The following GPX4 variants were observed in gnomAD, a reference collection of about 807,000 sequenced individuals.
GPX4 encodes the protein glutathione peroxidase 4.
In GPX4, 28 loss-of-function variants were observed where a neutral mutation model predicts 27.8. The ratio of observed to expected loss-of-function variants is 1.01; its 90% CI spans 0.75 to 1.38. The LOEUF is 1.38. Ranked by LOEUF, GPX4 falls within the 40% of genes most tolerant of loss-of-function variation. The pLI is 0.00. For missense variants in GPX4, 357 were observed against 274.1 expected (o/e 1.30, Z -2.14); for synonymous variants, 163 against 107.8 (o/e 1.51, Z -3.17).
In GPX4 at chr19:1,105,749, A is replaced by G. The variant is rs763975118; in HGVS notation, c.416A>G (p.Asp139Gly). 1 of 1,557,844 alleles carries G rather than the reference A, an allele frequency of 6.4e-7. No homozygotes were observed. Among genetic ancestry groups the G allele is most frequent in the Non-Finnish European group, 8.7e-7 (1 of 1,148,214 alleles). The change falls in exon 4 of 7, where the codon GAC becomes GGC. Residue 139 changes from aspartate (D) to glycine (G), a missense_variant. Physicochemically the swap from Asp to Gly is moderately conservative, Grantham distance 94. Transcript: ENST00000354171. ...MFSKICVNGD[D>G]AHPLWKWMKI... ...AGCAAGATCTGCGTGAACGGGGACG[A>G]CGCCCACCCGCTGTGGAAGTGGATG...
intron 1 of GPX4, 159 bp downstream of exon 1, chr19:1,104,286 G>C (rs748272313): frequency 6.1e-6 from 4 of 654,404 alleles, no homozygotes; most frequent in Non-Finnish European, 9.3e-6. Context: ...GCACGGACGC[G>C]GGTGACCGTA....
At position 1,104,077 on chromosome 19, in the gene GPX4, C is replaced by G. The variant is rs1389595413; in HGVS notation, c.34C>G (p.Pro12Ala). The G allele has an allele frequency of 6.6e-7, 1 of 1,519,444 alleles. No individual in the cohort carries two copies. The highest frequency in any genetic ancestry group is 1.2e-5 in the South Asian group (1 of 82,384). The allele number at this position is 1,519,444 out of a possible 1,614,324, so 94.1% of individuals were successfully genotyped here. Residue 12 changes from proline to alanine, a missense_variant, in exon 1 of 7, where the codon CCG (proline) becomes GCG (alanine). By Grantham distance (27) the Pro-to-Ala change is conservative. Coordinates refer to ENST00000354171, the MANE Select transcript of GPX4 (RefSeq NM_002085.5). ...CGGCCGCCTTTGCCGCCTACTGAAGCCGGCGCTGCTCTGTGGGGCTCTGGC... is the reference window on the plus strand; with the variant it reads ...CGGCCGCCTTTGCCGCCTACTGAAGGCGGCGCTGCTCTGTGGGGCTCTGGC... ...SLGRLCRLLK[P>A]ALLCGALAAP...
In GPX4 at chr19:1,104,000, C is replaced by T; in HGVS notation, c.-44C>T. On this transcript the variant is annotated 5_prime_UTR_variant, in exon 1 of 7. Transcript: ENST00000354171. ...GGAAAGCCGACGCGCGTCCATTGGTCGGCTGGACGAGGGGAGGAGCCGCTG... is the reference window on the plus strand; with the variant it reads ...GGAAAGCCGACGCGCGTCCATTGGTTGGCTGGACGAGGGGAGGAGCCGCTG... 6.7e-7 allele frequency: 1 copy of T among 1,499,540 alleles called. No homozygotes were observed. The highest frequency in any genetic ancestry group is 1.2e-5 in the South Asian group (1 of 81,048). 92.9% of individuals were successfully genotyped at this position (1,499,540 alleles called of 1,614,324 possible).
intron 1 of GPX4, chr19:1,104,598 G>T: frequency 1.0e-6 from 1 of 982,642 alleles, no homozygotes; most frequent in Non-Finnish European, 1.2e-6. Flanking sequence ...GCGCCCCCGG[G>T]CGCCGCCCCG....
chr19:1,106,287 A>G (rs2079654070), intron 5 of GPX4, 21 bp downstream of exon 5: 3 of 1,600,652 alleles, frequency 1.9e-6, no homozygotes, highest in Non-Finnish European at 1.7e-6. Context: ...TGTGGGGGGT[A>G]GGGGACCAGC....
chr19:1,105,324 G>T, intron 2 of GPX4, 42 bp from the exon 3 acceptor site: 1 of 1,612,518 alleles, frequency 6.2e-7, no homozygotes, highest in Non-Finnish European at 8.5e-7. Flanking sequence ...GGCCCTGGGA[G>T]GGGGCCGTGT....
chr19:1,104,595 CG>C lies in GPX4; in HGVS notation c.84+471del, dbSNP rs569964280. ...CTGGAAATCCCGGATCACGCGCCCC[CG>C]GGCGCCGCCCCGCCCCCGCACCTTG... On this transcript the variant is annotated intron_variant, in intron 1 of 6. Coordinates refer to ENST00000354171, the MANE Select transcript of GPX4 (RefSeq NM_002085.5). The C allele has an allele frequency of 4.3e-3, 4,213 of 978,956 alleles. 14 individuals are homozygous for C. The highest frequency in any genetic ancestry group is 4.9e-3 in the Admixed American group (80 of 16,302). 60.6% of individuals were successfully genotyped at this position (978,956 alleles called of 1,614,324 possible). A position where few individuals can be genotyped will look rare whatever the true frequency, so the allele number is the denominator to read the frequency against.
intron 3 of GPX4, 27 bp downstream of exon 3, chr19:1,105,537 C>G: frequency 6.2e-7 from 1 of 1,605,070 alleles, no homozygotes. Flanking sequence ...CCGGGGCCCG[C>G]AGAGGCGGGT....
chr19:1,105,980 T>G (rs1938039106), intron 4 of GPX4, 171 bp downstream of exon 4: 1 of 798,578 alleles, frequency 1.3e-6, no homozygotes. Context: ...CAGGGGGACA[T>G]AGAGGGCTGT....
intron 3 of GPX4, 41 bp from the exon 4 acceptor site, chr19:1,105,617 G>A (rs749509892): frequency 3.7e-6 from 6 of 1,601,146 alleles, no homozygotes; most frequent in Admixed American, 1.7e-5. Context: ...GACTGAGGGG[G>A]TGCCAGCCCC....
rs767217471 is a variant in GPX4, at chr19:1,106,279, T to TG, written c.501+19dup. The TG allele has an allele frequency of 1.9e-6, 3 of 1,540,216 alleles. No homozygotes were observed. Among genetic ancestry groups the TG allele is most frequent in the South Asian group, 1.1e-5 (1 of 88,936 alleles). On this transcript the variant is annotated intron_variant, in intron 5 of 6. Coordinates refer to ENST00000354171, the MANE Select transcript of GPX4 (RefSeq NM_002085.5). ...GAACTTCACCAAGGTAAGGGGGCTGTGGGGGGTAGGGGACCAGCTTCCCCT... is the reference window on the plus strand; with the variant it reads ...GAACTTCACCAAGGTAAGGGGGCTGTGGGGGGGTAGGGGACCAGCTTCCCCT...
In GPX4 at chr19:1,106,380, T is replaced by C; in HGVS notation, c.502-20T>C. On this transcript the variant is annotated intron_variant, in intron 5 of 6. Coordinates refer to ENST00000354171, the MANE Select transcript of GPX4 (RefSeq NM_002085.5). ...CCCTTGCAGGGGTGGCCCCACAGTTTGGACACCGTCTCTCCACAGTTCCTC... is the reference window on the plus strand; with the variant it reads ...CCCTTGCAGGGGTGGCCCCACAGTTCGGACACCGTCTCTCCACAGTTCCTC... The C allele has an allele frequency of 6.8e-6, 11 of 1,613,454 alleles. No homozygotes were observed. Among genetic ancestry groups the C allele is most frequent in the Non-Finnish European group, 9.3e-6 (11 of 1,179,898 alleles).
intron 4 of GPX4, 97 bp from the exon 5 acceptor site, chr19:1,106,145 G>A (rs550007490): frequency 5.3e-5 from 63 of 1,184,858 alleles, no homozygotes; most frequent in Admixed American, 3.4e-4. Context: ...GGAGGCAGCC[G>A]GGGAAGCTCA....
At chr19:1,105,917 C>T (rs1028982849) in intron 4 of GPX4, 108 bp downstream of exon 4, 71 of 1,292,230 alleles carry the variant, frequency 5.5e-5, no homozygotes, top group Non-Finnish European at 3.7e-5. Flanking sequence ...GGGGCGGTTG[C>T]GGGGAGGTGC....
intron 5 of GPX4, 24 bp from the exon 6 acceptor site, chr19:1,106,376 A>G (rs773718263): frequency 1.9e-6 from 3 of 1,613,264 alleles, no homozygotes; most frequent in African/African-American, 2.7e-5. Flanking sequence ...GTGGCCCCAC[A>G]GTTTGGACAC....
At position 1,105,735 on chromosome 19, in the gene GPX4, C is replaced by A. The variant is rs769250904; in HGVS notation, c.402C>A (p.Cys134Ter). 5 of 1,604,882 alleles carry A rather than the reference C, an allele frequency of 3.1e-6. No homozygotes were observed. Among genetic ancestry groups the A allele is most frequent in the Non-Finnish European group, 4.3e-6 (5 of 1,175,970 alleles). ...AATTCGATATGTTCAGCAAGATCTG[C>A]GTGAACGGGGACGACGCCCACCCGC... ...NVKFDMFSKI[C>*]VNGDDAHPLW... The change falls in exon 4 of 7, where the codon TGC (cysteine) becomes TGA (stop). Residue 134 changes from cysteine (C) to a stop codon, truncating the protein, a stop_gained. Transcript: ENST00000354171. LOFTEE classifies it high-confidence loss of function.
intron 1 of GPX4, chr19:1,104,635 G>A: frequency 1.0e-6 from 1 of 985,748 alleles, no homozygotes; most frequent in Non-Finnish European, 1.2e-6. Context: ...TAGCGCGGTG[G>A]CGTCACAGTC....
chr19:1,104,875 C>T lies in GPX4; in HGVS notation c.85-311C>T, dbSNP rs117193629. ...GGGCGCGGCGCCGGCGGAAGAAGCC[C>T]TGTCCCCGCAGCTTGCGACCGGAGA... On this transcript the variant is annotated intron_variant, in intron 1 of 6. Transcript: ENST00000354171. 67,286 of 1,276,212 alleles carry T rather than the reference C, an allele frequency of 0.053. 1,908 individuals carry two copies. The highest frequency in any genetic ancestry group is 0.072 in the Middle Eastern group (312 of 4,356). The allele number at this position is 1,276,212 out of a possible 1,614,324, so 79.1% of individuals were successfully genotyped here. A position where few individuals can be genotyped will look rare whatever the true frequency, so the allele number is the denominator to read the frequency against.
chr19:1,106,282 G>A lies in GPX4; in HGVS notation c.501+16G>A. On this transcript the variant is annotated intron_variant, in intron 5 of 6. Coordinates refer to ENST00000354171, the MANE Select transcript of GPX4 (RefSeq NM_002085.5). The stretch of plus-strand genomic sequence containing the variant: ...CTTCACCAAGGTAAGGGGGCTGTGG[G>A]GGGTAGGGGACCAGCTTCCCCTGGC... The A allele has an allele frequency of 6.2e-7, 1 of 1,605,294 alleles. No individual in the cohort carries two copies.
Sources: allele counts gnomAD v4.1 joint callset, GRCh38; gene constraint gnomAD v4.1.1; transcripts MANE v1.5; gene names NCBI Gene and HGNC (gene_info 2026-07-23, HGNC 2026-07-21).